Variants in FOXP4 observed in about 807,000 individuals in gnomAD.
FOXP4 encodes the protein forkhead box P4, also known as forkhead box protein P4.
Under a neutral mutation model 82.6 loss-of-function variants are expected in FOXP4, and 25 were observed. The ratio of observed to expected loss-of-function variants is 0.30; its 90% CI spans 0.22 to 0.42. FOXP4 has a LOEUF of 0.42. Among genes scored for constraint, FOXP4 ranks in the 10% least tolerant of loss-of-function variants. The probability of loss-of-function intolerance (pLI) is 1.00; values close to 1 mark genes in which losing one functional copy is unlikely to be tolerated. For synonymous variants in FOXP4, 415 were observed against 388.2 expected, an observed-to-expected ratio of 1.07 and a Z score of -0.81; for missense variants, 785 against 900.9, an observed-to-expected ratio of 0.87 and a Z score of 1.65.
intron 2 of FOXP4, among the ~76,000 whole-genome samples, chr6:41,567,566 T>C (rs1242008019): frequency 6.6e-6 from 1 of 152,234 alleles, no homozygotes; most frequent in African/African-American, 2.4e-5. Context: ...TATGGCCAGC[T>C]CTTCCATCTC....
At chr6:41,595,710 C>T (rs1388431186) in intron 14 of FOXP4, among the ~76,000 whole-genome samples, 2 of 151,882 alleles carry the variant, frequency 1.3e-5, no homozygotes, top group Non-Finnish European at 2.9e-5. Flanking sequence ...TCAAGCAATT[C>T]TCCTGCCCCA....
chr6:41,568,289 T>C (rs1764996181), intron 2 of FOXP4, among the ~76,000 whole-genome samples: 2 of 152,172 alleles, frequency 1.3e-5, no homozygotes, highest in African/African-American at 2.4e-5. Flanking sequence ...TGTGTTGTTA[T>C]CTCACCATCC....
chr6:41,563,752 G>A (rs189849669), intron 1 of FOXP4, among the ~76,000 whole-genome samples: 1 of 152,320 alleles, frequency 6.6e-6, no homozygotes, highest in East Asian at 1.9e-4. Context: ...CTTGGAGGCT[G>A]GGATGAAATA....
chr6:41,586,361 C>T (rs1766120400), intron 5 of FOXP4, among the ~76,000 whole-genome samples: 1 of 152,134 alleles, frequency 6.6e-6, no homozygotes, highest in Admixed American at 6.5e-5. Context: ...TCATGGGGCT[C>T]AAGAGAGACT....
At chr6:41,581,274 T>C (rs1337840987) in intron 3 of FOXP4, among the ~76,000 whole-genome samples, 1 of 152,162 alleles carries the variant, frequency 6.6e-6, no homozygotes, top group African/African-American at 2.4e-5. Flanking sequence ...ACAATTTGGG[T>C]TCTTGACCCT....
rs773875020 is a variant in FOXP4, at chr6:41,597,921, C to T, written c.1866C>T (p.Ser622=). Residue 622 remains serine, a synonymous_variant, in exon 16 of 17, where the codon AGC becomes AGT. Transcript: ENST00000307972. The stretch of plus-strand genomic sequence containing the variant: ...CGCTGCCCAGCAACGGCAGCAGCAG[C>T]CCTCCTCGCCTCTCCCCGCCCCAGT... The part of the protein sequence containing the change: ...VEPLPSNGSS[S]PPRLSPPQYS... 16 of 1,568,242 alleles carry T rather than the reference C, an allele frequency of 1.0e-5. No individual in the cohort carries two copies. The highest frequency in any genetic ancestry group is 3.5e-5 in the Admixed American group (2 of 56,486).
rs1447566345 is a variant in FOXP4 at position 41,598,092 on chromosome 6, C to CCTCAGCCCT, written c.1895+153_1895+161dup. ...GGACAAGTGGCTTCTCTCTTCCTTC[C>CCTCAGCCCT]CTCAGCCCTCTCAGCCCTCCCTTGT... On this transcript the variant is annotated intron_variant, in intron 16 of 16. Transcript: ENST00000307972. The CCTCAGCCCT allele has an allele frequency of 1.5e-4, 102 of 668,882 alleles. No individual in the cohort carries two copies. In the African/African-American group the frequency reaches 1.8e-3, roughly 12 times the overall value. 41.4% of individuals were successfully genotyped at this position (668,882 alleles called of 1,614,324 possible).
intron 12 of FOXP4, among the ~76,000 whole-genome samples, chr6:41,590,712 C>CA: frequency 6.6e-6 from 1 of 152,308 alleles, no homozygotes; most frequent in Middle Eastern, 3.4e-3. Context: ...CCAATGTTCA[C>CA]ATAGTATTCA....
chr6:41,582,066 C>G (rs987761126), intron 3 of FOXP4, among the ~76,000 whole-genome samples: 3 of 152,162 alleles, frequency 2.0e-5, no homozygotes, highest in Non-Finnish European at 2.9e-5. Flanking sequence ...CAGGCAGCAC[C>G]CTAAGGCACA....
At chr6:41,556,223 C>A (rs937096634) in intron 1 of FOXP4, among the ~76,000 whole-genome samples, 1 of 151,808 alleles carries the variant, frequency 6.6e-6, no homozygotes, top group African/African-American at 2.4e-5. Flanking sequence ...TCTTTGGCAT[C>A]TTTGAAGTGT....
chr6:41,597,580 G>T (rs999500794), intron 15 of FOXP4, among the ~76,000 whole-genome samples: 1 of 152,156 alleles, frequency 6.6e-6, no homozygotes, highest in African/African-American at 2.4e-5. Context: ...GAGGTCGGGG[G>T]GTCAGAGTTC....
intron 16 of FOXP4, among the ~76,000 whole-genome samples, chr6:41,598,213 T>C (rs1409984959): frequency 2.1e-5 from 3 of 146,192 alleles, no homozygotes; most frequent in Admixed American, 6.8e-5. Context: ...CCTCCTCTCT[T>C]CTCTTTTTTT....
At chr6:41,598,652 C>A (rs1047592893) in intron 16 of FOXP4, 137 bp from the exon 17 acceptor site, 6 of 1,287,328 alleles carry the variant, frequency 4.7e-6, no homozygotes, top group Non-Finnish European at 6.4e-6. Context: ...GAGATCAGCC[C>A]TCAGGTCTGA....
At chr6:41,579,559 C>T (rs1765682103) in intron 3 of FOXP4, among the ~76,000 whole-genome samples, 1 of 152,066 alleles carries the variant, frequency 6.6e-6, no homozygotes, top group South Asian at 2.1e-4. Flanking sequence ...GTGGGAGGGA[C>T]TGGGGTAAGA....
rs970448563 is a variant in FOXP4, at chr6:41,558,436, T to C, written c.-16-7309T>C. On this transcript the variant is annotated intron_variant, in intron 1 of 16. Transcript: ENST00000307972. This position sits in a 1 kb window ranked among gnomAD's most constrained non-coding sequence, Gnocchi z 4.0. ...GTTGTAGCAAGACTTTCTGGACTCCTGTAATTATAGTCACTACCCTTCTCT... is the reference window on the plus strand; with the variant it reads ...GTTGTAGCAAGACTTTCTGGACTCCCGTAATTATAGTCACTACCCTTCTCT... 2.0e-5 allele frequency among the ~76,000 whole-genome samples: 3 copies of C among 152,222 alleles called. No homozygotes were observed. Among genetic ancestry groups the C allele is most frequent in the African/African-American group, 7.2e-5 (3 of 41,452 alleles).
rs202109888 is a variant in FOXP4, at chr6:41,565,979, G to T, written c.204+15G>T. 1.9e-6 allele frequency: 3 copies of T among 1,602,394 alleles called. No homozygotes were observed. The South Asian group carries it at 3.3e-5, about 18-fold the overall frequency. On this transcript the variant is annotated intron_variant, in intron 2 of 16. Transcript: ENST00000307972. Reference sequence around the variant, plus strand: ...AGCAGCAACAGGTAGGAACTGGTGCGCCTTGGGGTATCTGGGAGCGGGAGA... The same window carrying T: ...AGCAGCAACAGGTAGGAACTGGTGCTCCTTGGGGTATCTGGGAGCGGGAGA...
intron 3 of FOXP4, among the ~76,000 whole-genome samples, chr6:41,580,181 A>G (rs973191219): frequency 1.3e-5 from 2 of 151,772 alleles, no homozygotes; most frequent in African/African-American, 2.4e-5. Context: ...AGCTGGGATT[A>G]CAGGCATGCA....
intron 2 of FOXP4, among the ~76,000 whole-genome samples, chr6:41,577,088 G>A (rs1450098992): frequency 3.3e-5 from 5 of 151,862 alleles, no homozygotes; most frequent in African/African-American, 7.3e-5. Flanking sequence ...TTTACCTTCC[G>A]GGCCCCTCCT....
chr6:41,590,037 C>T lies in FOXP4; in HGVS notation c.1224C>T (p.Leu408=), dbSNP rs200284583. ...VSAADSFPDG[L]VHPPTSAAAP... is the part of the protein sequence containing the mutation. ...CAGCAGACTCATTCCCAGATGGTCT[C>T]GTGCACCCCCCGACCTCGGCCGCAG... is the stretch of plus-strand genomic sequence containing the variant. The change falls in exon 11 of 17, where the codon CTC becomes CTT. Residue 408 remains leucine (L), a synonymous_variant. Transcript: ENST00000307972. 16 of 1,613,948 alleles carry T rather than the reference C, an allele frequency of 9.9e-6. No individual in the cohort carries two copies. Among genetic ancestry groups the T allele is most frequent in the East Asian group, 4.5e-5 (2 of 44,868 alleles).
Sources: gnomAD v4.1 joint callset for allele counts (sites outside exome capture counted in the v4.1 genomes callset) on GRCh38, gnomAD v4.1.1 for gene constraint, Gnocchi (gnomAD v3.1) non-coding constraint, MANE v1.5 for transcripts, NCBI Gene and HGNC (gene_info 2026-07-23, HGNC 2026-07-21) for gene names.